The following OGFOD2 variants were observed in gnomAD, a reference collection of about 807,000 sequenced individuals.
The protein encoded by OGFOD2 is 2-oxoglutarate and iron dependent oxygenase domain containing 2.
In OGFOD2, 34 loss-of-function variants were observed where a neutral mutation model predicts 31.1. That is an observed-to-expected ratio of 1.09 (90% confidence interval 0.83 to 1.45). The LOEUF (loss-of-function observed/expected upper bound fraction) is 1.45, where lower values mean the gene tolerates loss of function less well. OGFOD2 is among the 40% of genes most tolerant of loss of function. The pLI, the probability that OGFOD2 is intolerant of heterozygous loss-of-function variation, is 0.00. For synonymous variants in OGFOD2, 240 were observed against 192.3 expected (o/e 1.25, Z -2.05); for missense variants, 537 against 433.9 (o/e 1.24, Z -2.11).
At chr12:122,976,261 C>A (rs766581970) in intron 2 of OGFOD2, 60 of 936,794 alleles carry the variant, frequency 6.4e-5, no homozygotes, top group Non-Finnish European at 9.5e-5. Flanking sequence ...AGGCTGCTGC[C>A]AGGGCTGCTG....
exon 3 of OGFOD2, chr12:122,976,758 C>T (rs762324429): frequency 6.2e-7 from 1 of 1,613,110 alleles, no homozygotes; most frequent in Admixed American, 1.7e-5. Flanking sequence ...AGGTCTACGA[C>T]TCACTGCAGG....
intron 4 of OGFOD2, 57 bp from the exon 5 acceptor site, chr12:122,978,385 C>T (rs964019948): frequency 3.1e-6 from 5 of 1,600,538 alleles, no homozygotes; most frequent in Non-Finnish European, 4.3e-6. Context: ...GACTGAAGCC[C>T]AGGCCTGGCC....
chr12:122,978,315 A>C lies in OGFOD2; in HGVS notation c.404-127A>C. On this transcript the variant is annotated intron_variant, in intron 4 of 6. Coordinates refer to ENST00000228922, the Ensembl canonical transcript of OGFOD2. Reference sequence around the variant, plus strand: ...GCTCCTCATGTTACTTCCTTAAGTCATCACAATAGCCCTGAAAAGCAAAGG... The same window carrying C: ...GCTCCTCATGTTACTTCCTTAAGTCCTCACAATAGCCCTGAAAAGCAAAGG... The C allele has an allele frequency of 2.5e-6, 3 of 1,203,484 alleles. No homozygotes were observed. The South Asian group carries it at 4.4e-5, about 18-fold the overall frequency. The allele number at this position is 1,203,484 out of a possible 1,614,324, so 74.6% of individuals were successfully genotyped here.
exon 5 of OGFOD2, chr12:122,978,544 G>C (rs755848904): frequency 6.2e-7 from 1 of 1,613,416 alleles, no homozygotes; most frequent in Non-Finnish European, 8.5e-7. Flanking sequence ...CCTAAGGGGA[G>C]GCCCAACACC....
chr12:122,975,281 C>G (rs776090100), exon 1 of OGFOD2: 119 of 693,402 alleles, frequency 1.7e-4, no homozygotes, highest in African/African-American at 1.7e-3. Flanking sequence ...CGCGGCACTT[C>G]TGCCGCTGCG....
chr12:122,979,511 C>A, exon 7 of OGFOD2: 1 of 908,936 alleles, frequency 1.1e-6, no homozygotes, highest in Non-Finnish European at 1.6e-6. Flanking sequence ...TCAGGTTTGT[C>A]AGAAGCAGGG....
At position 122,976,299 on chromosome 12, in the gene OGFOD2, G is replaced by C. The variant is rs560184824; in HGVS notation, c.190-355G>C. The stretch of plus-strand genomic sequence containing the variant: ...CCACTCCCTCCTCCTCCTTCCCCTG[G>C]AGTCAGTGGTGGGAAGCTTCCCAGG... On this transcript the variant is annotated intron_variant, in intron 2 of 6. Transcript: ENST00000228922. 5.9e-5 allele frequency: 82 copies of C among 1,390,312 alleles called. No individual in the cohort carries two copies. Among genetic ancestry groups the C allele is most frequent in the Middle Eastern group, 1.8e-4 (1 of 5,700 alleles). 86.1% of individuals were successfully genotyped at this position (1,390,312 alleles called of 1,614,324 possible).
At position 122,976,673 on chromosome 12, in the gene OGFOD2, G is replaced by A. The variant is rs774165518; in HGVS notation, c.209G>A (p.Arg70Gln). Residue 70 changes from arginine (R) to glutamine (Q), a missense_variant, in exon 3 of 7, where the codon CGG (arginine) becomes CAG (glutamine). By Grantham distance (43) the Arg-to-Gln change is conservative (BLOSUM62 1). Coordinates refer to ENST00000228922, the Ensembl canonical transcript of OGFOD2. ...CCCCAGCTTGAGCAGGAGGTGGAGC[G>A]GCGGCAGCGGCTGGGGCAGGAGTCA... The A allele has an allele frequency of 3.3e-5, 53 of 1,610,094 alleles. No homozygotes were observed. The highest frequency in any genetic ancestry group is 4.2e-5 in the Non-Finnish European group (50 of 1,176,852).
chr12:122,976,721 C>T (rs756993178), exon 3 of OGFOD2: 21 of 1,613,722 alleles, frequency 1.3e-5, no homozygotes, highest in Non-Finnish European at 1.6e-5. Context: ...GCCCTCATCG[C>T]GAGTTCCTAC....
chr12:122,975,276 C>A, exon 1 of OGFOD2: 1 of 689,840 alleles, frequency 1.4e-6, no homozygotes. Context: ...GGCTCCGCGG[C>A]ACTTCTGCCG....
rs777142332 is a variant in OGFOD2, at chr12:122,979,151, C to T, written c.858C>T (p.Gly286=). Reference sequence around the variant, plus strand: ...TGGGCCAGGGTGTCCTCCACCGTGGCGGCCAGCTGCATGGAGCCCGGCCCT... The same window carrying T: ...TGGGCCAGGGTGTCCTCCACCGTGGTGGCCAGCTGCATGGAGCCCGGCCCT... Residue 286 remains glycine, a synonymous_variant, in exon 7 of 7, where the codon GGC becomes GGT. Coordinates refer to ENST00000228922, the Ensembl canonical transcript of OGFOD2. The T allele has an allele frequency of 2.4e-5, 38 of 1,609,326 alleles. No individual in the cohort carries two copies. In the Middle Eastern group the frequency reaches 2.8e-3, roughly 119 times the overall value.
exon 7 of OGFOD2, chr12:122,979,332 T>C: frequency 6.2e-7 from 1 of 1,608,952 alleles, no homozygotes; most frequent in Non-Finnish European, 8.5e-7. Flanking sequence ...GGTGGATGTA[T>C]GTGCGCTCAC....
rs760365503 is a variant in OGFOD2, at chr12:122,979,317, GCCACGGTGGATGT to G, written c.1025_1037del (p.Ala342AspfsTer129). The stretch of plus-strand genomic sequence containing the variant: ...TGATGGCTTCACCCGAGAGGAGCCC[GCCACGGTGGATGT>G]ATGTGCGCTCACCTGAGCTTGCTTG... On this transcript the variant is annotated frameshift_variant, in exon 7 of 7. Coordinates refer to ENST00000228922, the Ensembl canonical transcript of OGFOD2. LOFTEE classifies it high-confidence loss of function. The G allele has an allele frequency of 1.9e-6, 3 of 1,611,668 alleles. No individual in the cohort carries two copies. In the South Asian group the frequency reaches 3.3e-5, roughly 18 times the overall value.
At chr12:122,975,520 C>T (rs571533530) in intron 1 of OGFOD2, 137 bp downstream of exon 1, 1 of 593,718 alleles carries the variant, frequency 1.7e-6, no homozygotes, top group East Asian at 2.8e-5. Flanking sequence ...CCTCTCTCTG[C>T]CTCGGTTTTC....
chr12:122,977,060 T>C, intron 4 of OGFOD2, 90 bp downstream of exon 4: 1 of 1,295,734 alleles, frequency 7.7e-7, no homozygotes, highest in Non-Finnish European at 1.1e-6. Flanking sequence ...CCAGCCACCA[T>C]CTCTGCCTCC....
At position 122,976,690 on chromosome 12, in the gene OGFOD2, C is replaced by T. The variant is rs1210490693; in HGVS notation, c.226C>T (p.Gln76Ter). ...GGTGGAGCGGCGGCAGCGGCTGGGG[C>T]AGGAGTCAGCAGCTAGGAAAGCCCT... is the stretch of plus-strand genomic sequence containing the variant. The change falls in exon 3 of 7, where the codon CAG becomes TAG. Residue 76 changes from glutamine to a stop codon, truncating the protein, a stop_gained. Coordinates refer to ENST00000228922, the Ensembl canonical transcript of OGFOD2. LOFTEE classifies it high-confidence loss of function. The T allele has an allele frequency of 6.2e-7, 1 of 1,613,392 alleles. No homozygotes were observed.
chr12:122,978,791 G>A (rs756367613), exon 6 of OGFOD2: 38 of 1,611,744 alleles, frequency 2.4e-5, no homozygotes, highest in Non-Finnish European at 3.1e-5. Context: ...AGCCGCTGAT[G>A]ACACCACTGC....
At chr12:122,976,248 C>T (rs767551117) in intron 2 of OGFOD2, 10 of 788,848 alleles carry the variant, frequency 1.3e-5, no homozygotes, top group African/African-American at 8.4e-5. Flanking sequence ...CCATATACCC[C>T]GCAGGCTGCT....
chr12:122,978,240 T>A, intron 4 of OGFOD2: 2 of 591,664 alleles, frequency 3.4e-6, no homozygotes, highest in Non-Finnish European at 5.8e-6. Flanking sequence ...TTGTAGAGTC[T>A]GGGGAAAGGT....
Sources: gnomAD v4.1 joint callset for allele counts on GRCh38, gnomAD v4.1.1 for gene constraint, MANE v1.5 for transcripts, NCBI Gene and HGNC (gene_info 2026-07-23, HGNC 2026-07-21) for gene names.